Variants in SYT16 observed in about 807,000 individuals in gnomAD.
SYT16 encodes the protein synaptotagmin-16.
A neutral mutation model predicts 61.4 loss-of-function variants in SYT16; 42 were observed. The observed-to-expected ratio is 0.68, with a 90% CI of 0.53 to 0.89. The LOEUF is 0.89. Among genes scored for constraint, SYT16 ranks in the 40% least tolerant of loss-of-function variants. The pLI is 0.00. For synonymous variants in SYT16, 314 were observed against 302.3 expected, an observed-to-expected ratio of 1.04 and a Z score of -0.40; for missense variants, 804 against 807.3, an observed-to-expected ratio of 1.00 and a Z score of 0.05.
In SYT16 at chr14:62,108,680, A is replaced by C. The variant is rs1705251294; in HGVS notation, c.*7973A>C. ...TGCAGCTGCAAATTCAATTTTGTGA[A>C]ATACAAAGTCCTTTCCAGAATTTTA... On this transcript the variant is annotated 3_prime_UTR_variant, in exon 8 of 8. Coordinates refer to ENST00000683842, the MANE Select transcript of SYT16 (RefSeq NM_001367656.1). The C allele has an allele frequency of 6.6e-6, 1 of 152,168 alleles. No homozygotes were observed. Among genetic ancestry groups the C allele is most frequent in the Non-Finnish European group, 1.5e-5 (1 of 68,018 alleles). 9.4% of individuals were successfully genotyped at this position (152,168 alleles called of 1,614,324 possible). A position where few individuals can be genotyped will look rare whatever the true frequency, so the allele number is the denominator to read the frequency against.
intron 2 of SYT16, among the ~76,000 whole-genome samples, chr14:61,970,524 A>G (rs1430901085): frequency 6.6e-6 from 1 of 152,170 alleles, no homozygotes; most frequent in African/African-American, 2.4e-5. Flanking sequence ...CCTCTGATGA[A>G]TGCTTGGAGA....
At chr14:62,087,789 G>A (rs1194807352) in intron 7 of SYT16, among the ~76,000 whole-genome samples, 2 of 140,808 alleles carry the variant, frequency 1.4e-5, no homozygotes, top group African/African-American at 2.9e-5. Context: ...CTCTGTTGGG[G>A]TTTAGAAGAA....
rs562334609 is a variant in SYT16, at chr14:62,112,402, C to G, written c.*11695C>G. 2 of 152,102 alleles carry G rather than the reference C, an allele frequency of 1.3e-5. No individual in the cohort carries two copies. The highest frequency in any genetic ancestry group is 4.1e-4 in the South Asian group (2 of 4,830). The allele number at this position is 152,102 out of a possible 1,614,324, so 9.4% of individuals were successfully genotyped here. A position where few individuals can be genotyped will look rare whatever the true frequency, so the allele number is the denominator to read the frequency against. ...AATTCTAATTGCTTTTTGTTTAAAACAGAAACATAGAAGAAGCATTAGCCC... is the reference window on the plus strand; with the variant it reads ...AATTCTAATTGCTTTTTGTTTAAAAGAGAAACATAGAAGAAGCATTAGCCC... On this transcript the variant is annotated 3_prime_UTR_variant, in exon 8 of 8. Coordinates refer to ENST00000683842, the MANE Select transcript of SYT16 (RefSeq NM_001367656.1).
intron 7 of SYT16, among the ~76,000 whole-genome samples, chr14:62,098,266 C>T (rs1250062372): frequency 3.9e-5 from 6 of 152,216 alleles, no homozygotes; most frequent in Non-Finnish European, 7.3e-5. Flanking sequence ...AATCAGCTTG[C>T]TGCCTGCATT....
intron 3 of SYT16, among the ~76,000 whole-genome samples, chr14:62,050,301 G>T (rs35034862): frequency 0.061 from 9,215 of 152,146 alleles, 336 homozygotes; most frequent in Middle Eastern, 0.15. Flanking sequence ...CATAGTTCTC[G>T]TGCCATGGTT....
chr14:62,071,555 G>A (rs539043102), intron 4 of SYT16, among the ~76,000 whole-genome samples: 2 of 152,276 alleles, frequency 1.3e-5, no homozygotes, highest in African/African-American at 2.4e-5. Context: ...CACAGAAATA[G>A]CCACATGCCA....
At chr14:62,055,012 C>T (rs1283278387) in intron 3 of SYT16, among the ~76,000 whole-genome samples, 2 of 152,098 alleles carry the variant, frequency 1.3e-5, no homozygotes, top group Non-Finnish European at 2.9e-5. Context: ...TCTTTCTAGT[C>T]AGAGAATTTG....
chr14:62,071,009 C>T (rs923736080), intron 4 of SYT16, among the ~76,000 whole-genome samples: 1 of 152,170 alleles, frequency 6.6e-6, no homozygotes, highest in Non-Finnish European at 1.5e-5. Context: ...CCCTAATTTT[C>T]AGCAGGAATA....
In SYT16 at chr14:62,059,567, T is replaced by C. The variant is rs181105217; in HGVS notation, c.524-10036T>C. Among the ~76,000 whole-genome samples, 765 of 151,692 alleles carry C rather than the reference T, an allele frequency of 5.0e-3. 6 individuals are homozygous for C. Among genetic ancestry groups the C allele is most frequent in the African/African-American group, 0.017 (717 of 41,432 alleles). ...CTGGTATGGTTAATGCTTTTGTATA[T>C]CCTAAGGTCACAAAAGATTGCTCTG... On this transcript the variant is annotated intron_variant, in intron 3 of 7. Transcript: ENST00000683842.
chr14:62,092,206 A>G (rs1371220997), intron 7 of SYT16, among the ~76,000 whole-genome samples: 4 of 146,596 alleles, frequency 2.7e-5, no homozygotes, highest in Non-Finnish European at 6.0e-5. Flanking sequence ...ACACACACAC[A>G]CACACACACA....
chr14:61,883,424 T>C (rs1252989392), intron 1 of SYT16, among the ~76,000 whole-genome samples: 1 of 152,196 alleles, frequency 6.6e-6, no homozygotes, highest in Admixed American at 6.5e-5. Flanking sequence ...AGAGGCAAAA[T>C]GCCACCAATC....
At chr14:61,985,898 T>C (rs2052285509) in intron 2 of SYT16, among the ~76,000 whole-genome samples, 1 of 152,114 alleles carries the variant, frequency 6.6e-6, no homozygotes, top group East Asian at 1.9e-4. Flanking sequence ...ATGAATTATA[T>C]GTGTATTGGC....
At chr14:61,844,567 C>T (rs796724627) in intron 1 of SYT16, among the ~76,000 whole-genome samples, 2 of 152,126 alleles carry the variant, frequency 1.3e-5, no homozygotes, top group African/African-American at 4.8e-5. Context: ...CCTCTATACC[C>T]ATTTTTTTAG....
chr14:61,866,307 A>G (rs1010619765), intron 1 of SYT16, among the ~76,000 whole-genome samples: 1 of 152,142 alleles, frequency 6.6e-6, no homozygotes, highest in Admixed American at 6.5e-5. Flanking sequence ...CAAAAAAGGA[A>G]GAGGAGGGTG....
intron 1 of SYT16, among the ~76,000 whole-genome samples, chr14:61,963,713 A>G (rs1298339131): frequency 6.6e-6 from 1 of 152,190 alleles, no homozygotes; most frequent in Non-Finnish European, 1.5e-5. Context: ...ACAGTCTTCT[A>G]CTGGAAGAAG....
At chr14:62,022,870 AC>A (rs529597731) in intron 3 of SYT16, among the ~76,000 whole-genome samples, 8 of 152,098 alleles carry the variant, frequency 5.3e-5, no homozygotes, top group Non-Finnish European at 1.2e-4. Context: ...GTTATAGAAT[AC>A]TTTTAAGTTC....
intron 4 of SYT16, 144 bp downstream of exon 4, chr14:62,069,959 G>A: frequency 2.0e-6 from 2 of 993,086 alleles, no homozygotes; most frequent in Non-Finnish European, 2.9e-6. Context: ...GGAGCAAAGG[G>A]GCTGCTTTGA....
At chr14:61,987,952 G>A (rs2052388105) in intron 2 of SYT16, among the ~76,000 whole-genome samples, 1 of 152,092 alleles carries the variant, frequency 6.6e-6, no homozygotes, top group Admixed American at 6.6e-5. Context: ...TTCCATCTGT[G>A]CTTTGGGGAC....
At chr14:61,936,434 G>C (rs1046183868) in intron 1 of SYT16, among the ~76,000 whole-genome samples, 2 of 151,784 alleles carry the variant, frequency 1.3e-5, no homozygotes, top group Admixed American at 1.3e-4. Context: ...CATTCTATCA[G>C]CTGGAAGTGA....
Sources: gnomAD v4.1 joint callset for allele counts (sites outside exome capture counted in the v4.1 genomes callset) on GRCh38, gnomAD v4.1.1 for gene constraint, MANE v1.5 for transcripts, NCBI Gene and HGNC (gene_info 2026-07-23, HGNC 2026-07-21) for gene names.